Variants in GPHN observed in about 807,000 individuals in gnomAD.
GPHN encodes gephyrin.
GPHN carries 17 observed loss-of-function variants against 95.5 expected under a neutral mutation model. The ratio of observed to expected loss-of-function variants is 0.18; its 90% CI spans 0.12 to 0.27. GPHN has a LOEUF of 0.27. GPHN is among the 10% of genes least tolerant of loss of function. GPHN has a pLI of 1.00. For missense variants in GPHN, 660 were observed against 978.1 expected (o/e 0.67, Z 4.34); for synonymous variants, 320 against 322.5 (o/e 0.99, Z 0.08).
At chr14:67,678,384 A>G in the GPHN span, 18 of 1,613,820 alleles carry the variant, frequency 1.1e-5, no homozygotes, top group Non-Finnish European at 1.5e-5. Flanking sequence ...CTATAGTCTC[A>G]TTACGAGCTT....
At chr14:67,253,042 G>C in the GPHN span, among the ~76,000 whole-genome samples, 1 of 152,194 alleles carries the variant, frequency 6.6e-6, no homozygotes, top group Admixed American at 6.5e-5. Context: ...AGGCTTTACA[G>C]TGCAGTTACA....
At chr14:67,642,246 A>G in the GPHN span, 1 of 1,590,854 alleles carries the variant, frequency 6.3e-7, no homozygotes, top group Non-Finnish European at 8.6e-7. Context: ...GATGATCTCT[A>G]CAACAACCTG....
chr14:67,317,000 G>A, the GPHN span: 1 of 917,898 alleles, frequency 1.1e-6, no homozygotes, highest in Non-Finnish European at 1.7e-6. Flanking sequence ...GAAGTACTCA[G>A]GGAAAGAGTG....
chr14:67,159,225 A>G (rs191893993), intron 18 of GPHN, among the ~76,000 whole-genome samples, 190 bp from the exon 19 acceptor site: 82 of 152,340 alleles, frequency 5.4e-4, no homozygotes, highest in Non-Finnish European at 9.9e-4. Context: ...AGTGTTAAGT[A>G]ACTATTTATT....
intron 1 of GPHN, among the ~76,000 whole-genome samples, chr14:66,600,581 A>G (rs946822448): frequency 6.6e-6 from 1 of 152,062 alleles, no homozygotes; most frequent in Non-Finnish European, 1.5e-5. Flanking sequence ...TTGTTGATTC[A>G]TTAATATTGA....
chr14:67,122,202 A>C, intron 16 of GPHN, 54 bp from the exon 17 acceptor site: 1 of 1,589,936 alleles, frequency 6.3e-7, no homozygotes, highest in Non-Finnish European at 8.6e-7. Flanking sequence ...TTTCATTAGA[A>C]ATATGCAACA....
At chr14:67,309,038 G>C in the GPHN span, among the ~76,000 whole-genome samples, 3 of 152,252 alleles carry the variant, frequency 2.0e-5, no homozygotes, top group South Asian at 6.2e-4. Flanking sequence ...TGGGCTGGAA[G>C]ATAATTGCGT....
intron 3 of GPHN, among the ~76,000 whole-genome samples, chr14:66,789,872 A>G (rs2059911598): frequency 6.6e-6 from 1 of 152,208 alleles, no homozygotes; most frequent in Non-Finnish European, 1.5e-5. Flanking sequence ...CCCCAAAAGT[A>G]TATTTCCTAC....
At chr14:66,644,745 C>T (rs2064633452) in intron 1 of GPHN, among the ~76,000 whole-genome samples, 1 of 152,014 alleles carries the variant, frequency 6.6e-6, no homozygotes, top group African/African-American at 2.4e-5. Context: ...TAGTCTTTGT[C>T]CTTAACCACT....
chr14:67,340,742 TG>T, the GPHN span, among the ~76,000 whole-genome samples: 2 of 152,168 alleles, frequency 1.3e-5, no homozygotes, highest in Non-Finnish European at 2.9e-5. Flanking sequence ...TGGACTGTAC[TG>T]CTGCCATCTC....
the GPHN span, among the ~76,000 whole-genome samples, chr14:67,419,644 T>C: frequency 6.6e-6 from 1 of 152,006 alleles, no homozygotes; most frequent in African/African-American, 2.4e-5. Context: ...GGGCGGATCA[T>C]GAGGTCAGGA....
intron 1 of GPHN, among the ~76,000 whole-genome samples, chr14:66,677,888 T>A (rs1405106153): frequency 6.6e-6 from 1 of 152,116 alleles, no homozygotes; most frequent in Non-Finnish European, 1.5e-5. Flanking sequence ...TCAGTAGGTA[T>A]TTTTTGTTTT....
At chr14:67,661,901 A>T in the GPHN span, among the ~76,000 whole-genome samples, 1 of 152,062 alleles carries the variant, frequency 6.6e-6, no homozygotes, top group Non-Finnish European at 1.5e-5. Flanking sequence ...CATGCCTTGT[A>T]ATCCCTGTAC....
At chr14:67,407,486 G>A in the GPHN span, among the ~76,000 whole-genome samples, 1 of 151,678 alleles carries the variant, frequency 6.6e-6, no homozygotes, top group Non-Finnish European at 1.5e-5. Flanking sequence ...GGTTGCCGAG[G>A]CTGGAGTGCA....
chr14:66,802,465 T>C (rs934634191), intron 3 of GPHN, among the ~76,000 whole-genome samples: 1 of 152,106 alleles, frequency 6.6e-6, no homozygotes, highest in Non-Finnish European at 1.5e-5. Flanking sequence ...TGTGGCCAAG[T>C]TGGTACCCGA....
chr14:66,573,218 C>G (rs544813443), intron 1 of GPHN, among the ~76,000 whole-genome samples: 1 of 152,252 alleles, frequency 6.6e-6, no homozygotes, highest in East Asian at 1.9e-4. Flanking sequence ...CCAATTTGGT[C>G]CATAGTGCTG....
chr14:67,648,324 G>C, the GPHN span: 4,753 of 907,926 alleles, frequency 5.2e-3, 35 homozygotes, highest in Non-Finnish European at 5.7e-3. Context: ...AAAATTATAT[G>C]GCCATGCTAA....
the GPHN span, chr14:67,619,713 A>G: frequency 2.6e-6 from 1 of 383,626 alleles, no homozygotes; most frequent in Non-Finnish European, 4.7e-6. Flanking sequence ...CGGCAGGGGC[A>G]TGTCCCTGGC....
intron 11 of GPHN, among the ~76,000 whole-genome samples, chr14:67,079,227 A>G (rs1474830080): frequency 6.6e-6 from 1 of 152,110 alleles, no homozygotes; most frequent in African/African-American, 2.4e-5. Context: ...AATTCAAAGT[A>G]TTCAGTGTTT....
Sources: gnomAD v4.1 joint callset for allele counts (sites outside exome capture counted in the v4.1 genomes callset) on GRCh38, gnomAD v4.1.1 for gene constraint, MANE v1.5 for transcripts, NCBI Gene and HGNC (gene_info 2026-07-23, HGNC 2026-07-21) for gene names.